The following CAPZA2 variants were observed in gnomAD, a reference collection of about 807,000 sequenced individuals.
CAPZA2 encodes capping actin protein of muscle Z-line subunit alpha 2.
A neutral mutation model predicts 44.0 loss-of-function variants in CAPZA2; 13 were observed. The observed-to-expected ratio is 0.30, with a 90% CI of 0.19 to 0.47. The LOEUF is 0.47. CAPZA2 is among the 20% of genes least tolerant of loss of function. CAPZA2 has a pLI of 1.00. For missense variants in CAPZA2, 244 were observed against 338.6 expected, an observed-to-expected ratio of 0.72 and a Z score of 2.19; for synonymous variants, 94 against 108.2, an observed-to-expected ratio of 0.87 and a Z score of 0.81.
chr7:116,875,729 A>AT (rs922141013), intron 1 of CAPZA2: 1 of 149,968 alleles, frequency 6.7e-6, no homozygotes, highest in Non-Finnish European at 1.5e-5. Flanking sequence ...TTTTTTTTAA[A>AT]TTTTTTGTAG....
intron 1 of CAPZA2, among the ~76,000 whole-genome samples, chr7:116,885,651 T>C (rs1796752757): frequency 6.6e-6 from 1 of 152,104 alleles, no homozygotes; most frequent in East Asian, 1.9e-4. Flanking sequence ...AATAATTTGC[T>C]AGAGTGGCCC....
At chr7:116,879,124 CA>C (rs71148337) in intron 1 of CAPZA2, among the ~76,000 whole-genome samples, 320 of 45,302 alleles carry the variant, frequency 7.1e-3, no homozygotes, top group South Asian at 0.011. Flanking sequence ...AACTCTGTCT[CA>C]AAAAAAAAAA....
intron 6 of CAPZA2, chr7:116,909,996 T>C (rs769845523): frequency 3.5e-5 from 17 of 486,296 alleles, no homozygotes; most frequent in Non-Finnish European, 6.0e-5. Context: ...GCTTTAGAAT[T>C]CTGGCATTAA....
chr7:116,895,556 G>A (rs1304356203), intron 3 of CAPZA2, among the ~76,000 whole-genome samples: 3 of 151,930 alleles, frequency 2.0e-5, no homozygotes, highest in Admixed American at 6.6e-5. Context: ...ATCGGTAATT[G>A]TGATAAAATA....
At chr7:116,886,952 T>TA (rs1394781946) in intron 1 of CAPZA2, among the ~76,000 whole-genome samples, 4 of 152,216 alleles carry the variant, frequency 2.6e-5, no homozygotes, top group Non-Finnish European at 5.9e-5. Flanking sequence ...TTTATTCTCT[T>TA]AAAATATGCC....
At chr7:116,905,167 G>C (rs1351265412) in intron 5 of CAPZA2, among the ~76,000 whole-genome samples, 2 of 150,486 alleles carry the variant, frequency 1.3e-5, no homozygotes, top group African/African-American at 4.9e-5. Context: ...AGAAAAAAAA[G>C]AAATACAAAA....
At chr7:116,886,246 CT>C (rs1357168089) in intron 1 of CAPZA2, 2 of 153,646 alleles carry the variant, frequency 1.3e-5, no homozygotes, top group Non-Finnish European at 2.9e-5. Flanking sequence ...GATTAGGTAA[CT>C]GTCAGTCTGA....
intron 3 of CAPZA2, among the ~76,000 whole-genome samples, chr7:116,897,484 T>C (rs10487354): frequency 0.22 from 33,949 of 152,006 alleles, 3,913 homozygotes; most frequent in East Asian, 0.4. Flanking sequence ...TCATCAGTAA[T>C]GCTTTGTTCA....
chr7:116,915,610 A>AT (rs1370549832), intron 8 of CAPZA2: 2 of 151,246 alleles, frequency 1.3e-5, no homozygotes, highest in African/African-American at 4.9e-5. Context: ...TAAAAAAAAA[A>AT]TTTCCAGAAA....
intron 1 of CAPZA2, among the ~76,000 whole-genome samples, chr7:116,883,685 G>GGCAACAA (rs1796726665): frequency 6.6e-6 from 1 of 152,152 alleles, no homozygotes; most frequent in African/African-American, 2.4e-5. Context: ...TAGTGCAACA[G>GGCAACAA]CAAGGGCAAA....
Position 116,917,943 on chromosome 7 carries a change from A to C in CAPZA2, c.*76A>C. 8.0e-7 allele frequency: 1 copy of C among 1,253,880 alleles called. No homozygotes were observed. Among genetic ancestry groups the C allele is most frequent in the Non-Finnish European group, 1.2e-6 (1 of 864,452 alleles). The allele number at this position is 1,253,880 out of a possible 1,614,324, so 77.7% of individuals were successfully genotyped here. ...ATTGCAAAAGTATTCTGAACTGTCA[A>C]GCTGCCCAGTCAGATGGGCTGTTGC... On this transcript the variant is annotated 3_prime_UTR_variant, in exon 10 of 10. Coordinates refer to ENST00000361183, the MANE Select transcript of CAPZA2 (RefSeq NM_006136.3).
At chr7:116,863,316 G>A (rs897066562) in intron 1 of CAPZA2, among the ~76,000 whole-genome samples, 11 of 152,054 alleles carry the variant, frequency 7.2e-5, no homozygotes, top group African/African-American at 2.4e-4. Context: ...AGGCAGCGGA[G>A]TTGCTCACAA....
intron 3 of CAPZA2, among the ~76,000 whole-genome samples, chr7:116,893,809 G>C (rs1182395466): frequency 6.6e-6 from 1 of 152,168 alleles, no homozygotes; most frequent in Non-Finnish European, 1.5e-5. Context: ...ATTTAAAGAA[G>C]TAGGCAATTC....
intron 2 of CAPZA2, among the ~76,000 whole-genome samples, chr7:116,892,622 C>CT (rs566584513): frequency 1.5e-3 from 233 of 151,658 alleles, no homozygotes; most frequent in Non-Finnish European, 2.7e-3. Flanking sequence ...ATAAAATACA[C>CT]TAACAATAGC....
At chr7:116,892,487 C>CTT in intron 2 of CAPZA2, among the ~76,000 whole-genome samples, 1 of 152,128 alleles carries the variant, frequency 6.6e-6, no homozygotes, top group East Asian at 1.9e-4. Context: ...TTTCTGCAGA[C>CTT]TTTAACATAC....
chr7:116,872,939 CAT>C (rs1195295512), intron 1 of CAPZA2, among the ~76,000 whole-genome samples: 11 of 152,164 alleles, frequency 7.2e-5, no homozygotes, highest in African/African-American at 2.4e-4. Flanking sequence ...TTTTCTAAAA[CAT>C]AGATTTCTAG....
intron 1 of CAPZA2, among the ~76,000 whole-genome samples, chr7:116,869,025 C>T (rs1160648829): frequency 1.3e-5 from 2 of 152,096 alleles, no homozygotes; most frequent in African/African-American, 4.8e-5. Context: ...TGTGAGAATA[C>T]AGATATGAAA....
intron 3 of CAPZA2, among the ~76,000 whole-genome samples, chr7:116,898,444 A>G (rs1039137117): frequency 6.6e-6 from 1 of 152,100 alleles, no homozygotes; most frequent in Non-Finnish European, 1.5e-5. Flanking sequence ...GTTTCCTGGT[A>G]TACTAAATAT....
At chr7:116,909,426 TA>T (rs1422080625) in intron 6 of CAPZA2, among the ~76,000 whole-genome samples, 1 of 152,158 alleles carries the variant, frequency 6.6e-6, no homozygotes, top group East Asian at 1.9e-4. Context: ...AAAAATAAGA[TA>T]AAATTCACTG....
Sources: gnomAD v4.1 joint callset for allele counts (sites outside exome capture counted in the v4.1 genomes callset) on GRCh38, gnomAD v4.1.1 for gene constraint, MANE v1.5 for transcripts, NCBI Gene and HGNC (gene_info 2026-07-23, HGNC 2026-07-21) for gene names.